The following PPP2R2B variants were observed in gnomAD, a reference collection of about 807,000 sequenced individuals.
The protein encoded by PPP2R2B is protein phosphatase 2 regulatory subunit Bbeta.
PPP2R2B carries 5 observed loss-of-function variants against 46.0 expected under a neutral mutation model. That is an observed-to-expected ratio of 0.11 (90% CI 0.06 to 0.23). The LOEUF (loss-of-function observed/expected upper bound fraction) is 0.23, where lower values mean the gene tolerates loss of function less well. PPP2R2B is among the 10% of genes least tolerant of loss of function. PPP2R2B has a pLI of 1.00. For synonymous variants in PPP2R2B, 215 were observed against 206.7 expected (o/e 1.04, Z -0.34); for missense variants, 367 against 575.0 (o/e 0.64, Z 3.70).
intron 2 of PPP2R2B, among the ~76,000 whole-genome samples, chr5:146,874,882 C>T (rs560546613): frequency 6.6e-6 from 1 of 152,034 alleles, no homozygotes; most frequent in Non-Finnish European, 1.5e-5. Context: ...TCAACCCTAC[C>T]CAAGGCCCTT....
At chr5:146,757,192 A>G (rs1753886652) in intron 2 of PPP2R2B, among the ~76,000 whole-genome samples, 1 of 152,128 alleles carries the variant, frequency 6.6e-6, no homozygotes, top group Non-Finnish European at 1.5e-5. Flanking sequence ...GGAGGGAGGT[A>G]GGCAGGTTGC....
chr5:146,599,628 A>T (rs1284823356), intron 8 of PPP2R2B, among the ~76,000 whole-genome samples: 3 of 152,120 alleles, frequency 2.0e-5, no homozygotes, highest in Non-Finnish European at 2.9e-5. Context: ...ATTTCTCTTG[A>T]CACCAGGCCT....
chr5:146,639,581 T>A (rs1057008348), intron 6 of PPP2R2B, among the ~76,000 whole-genome samples: 1 of 152,068 alleles, frequency 6.6e-6, no homozygotes, highest in Non-Finnish European at 1.5e-5. Context: ...CCCAGCAACA[T>A]CCTGCAAAGA....
Position 146,887,772 on chromosome 5 carries a change from C to A in PPP2R2B, c.79+167893G>T, listed in dbSNP as rs78599606. ...GATGTCACTGCCAAAAGGGCACTTT[C>A]ATATCTGGGCATCTGGACACTATTA... On this transcript the variant is annotated intron_variant, in intron 1 of 8. Coordinates refer to the PPP2R2B transcript ENST00000336640. 6.5e-3 allele frequency among the ~76,000 whole-genome samples: 983 copies of A among 152,266 alleles called. 12 individuals are homozygous for A. Among genetic ancestry groups the A allele is most frequent in the African/African-American group, 0.023 (939 of 41,556 alleles).
chr5:146,932,507 T>C (rs1582451719), intron 1 of PPP2R2B, among the ~76,000 whole-genome samples: 1 of 152,322 alleles, frequency 6.6e-6, no homozygotes, highest in South Asian at 2.1e-4. Flanking sequence ...CTTTTTCTTG[T>C]CTGCTGCCAC....
chr5:146,922,431 A>G (rs949799278), intron 1 of PPP2R2B: 4 of 152,234 alleles, frequency 2.6e-5, no homozygotes, highest in Admixed American at 6.5e-5. Flanking sequence ...TTTCATTTGT[A>G]TTGGTGTTAC....
chr5:146,918,376 A>G (rs987238132), intron 1 of PPP2R2B: 4 of 152,204 alleles, frequency 2.6e-5, no homozygotes, highest in Admixed American at 2.0e-4. Context: ...CCTTTTACCT[A>G]AAGTTGGTAA....
intron 2 of PPP2R2B, among the ~76,000 whole-genome samples, chr5:146,738,288 C>T (rs985498061): frequency 1.3e-5 from 2 of 148,354 alleles, no homozygotes; most frequent in South Asian, 2.2e-4. Flanking sequence ...CCCAGCTACT[C>T]GGGAGGCTGA....
intron 5 of PPP2R2B, among the ~76,000 whole-genome samples, chr5:146,658,663 G>A (rs781319184): frequency 3.3e-5 from 5 of 152,130 alleles, no homozygotes; most frequent in Non-Finnish European, 7.3e-5. Context: ...CTTCTCAGGA[G>A]TACCCACAGC....
chr5:146,778,290 G>A (rs1203690528), intron 2 of PPP2R2B, among the ~76,000 whole-genome samples: 1 of 152,168 alleles, frequency 6.6e-6, no homozygotes, highest in East Asian at 1.9e-4. Context: ...AAAATTCAGA[G>A]TGGAACAGAT....
intron 1 of PPP2R2B, among the ~76,000 whole-genome samples, chr5:146,997,321 T>C (rs780965389): frequency 6.6e-6 from 1 of 152,178 alleles, no homozygotes; most frequent in African/African-American, 2.4e-5. Context: ...CTCTGACCCC[T>C]GGTAAAAAAC....
In PPP2R2B at chr5:146,786,570, T is replaced by A. The variant is rs540643519; in HGVS notation, c.71-85428A>T. 1.0e-3 allele frequency among the ~76,000 whole-genome samples: 155 copies of A among 152,322 alleles called. 1 individual carries two copies. The highest frequency in any genetic ancestry group is 3.7e-3 in the African/African-American group (154 of 41,582). On this transcript the variant is annotated intron_variant, in intron 2 of 9. Coordinates refer to ENST00000394411, the MANE Select transcript of PPP2R2B (RefSeq NM_181675.4). ...GGTTACTTCCAGACAATTTAAGATATTTACATTGCCCTCTGCTTTCTCCGA... is the reference window on the plus strand; with the variant it reads ...GGTTACTTCCAGACAATTTAAGATAATTACATTGCCCTCTGCTTTCTCCGA...
At chr5:146,843,195 C>A (rs570989611) in intron 2 of PPP2R2B, among the ~76,000 whole-genome samples, 191 of 152,310 alleles carry the variant, frequency 1.3e-3, no homozygotes, top group African/African-American at 4.1e-3. Flanking sequence ...CTCAAAAAAA[C>A]TTTAAAATTA....
chr5:146,973,176 C>T (rs1582525430), intron 1 of PPP2R2B, among the ~76,000 whole-genome samples: 1 of 151,732 alleles, frequency 6.6e-6, no homozygotes. Context: ...TTTTCTTTTT[C>T]TTGTGGTTAC....
At chr5:146,855,911 G>C (rs1458724) in intron 2 of PPP2R2B, among the ~76,000 whole-genome samples, 94 of 152,306 alleles carry the variant, frequency 6.2e-4, no homozygotes, top group Non-Finnish European at 1.2e-3. Flanking sequence ...AGTTAATAAT[G>C]AAAGGGCTTT....
upstream of PPP2R2B, chr5:147,056,078 A>T: frequency 9.1e-7 from 1 of 1,094,324 alleles, no homozygotes; most frequent in Non-Finnish European, 1.1e-6. Flanking sequence ...TCTGCCTGAA[A>T]CCTCTACCTT....
At chr5:146,874,232 C>T (rs1217553874) in intron 2 of PPP2R2B, among the ~76,000 whole-genome samples, 1 of 152,218 alleles carries the variant, frequency 6.6e-6, no homozygotes, top group African/African-American at 2.4e-5. Flanking sequence ...TGAAAGATCC[C>T]TGAGGACAGA....
chr5:146,931,710 A>G (rs898895221), intron 1 of PPP2R2B, among the ~76,000 whole-genome samples: 19 of 152,268 alleles, frequency 1.2e-4, no homozygotes, highest in African/African-American at 4.3e-4. Context: ...AAAGGACTGA[A>G]ATTGTCCAAA....
chr5:147,011,904 A>G (rs1738155689), intron 1 of PPP2R2B, among the ~76,000 whole-genome samples: 1 of 112,518 alleles, frequency 8.9e-6, no homozygotes, highest in African/African-American at 3.0e-5. Context: ...ATATTGAACC[A>G]GCCTTGCATC....
Sources: allele counts gnomAD v4.1 joint callset (sites outside exome capture counted in the v4.1 genomes callset), GRCh38; gene constraint gnomAD v4.1.1; transcripts MANE v1.5; gene names NCBI Gene and HGNC (gene_info 2026-07-23, HGNC 2026-07-21).